Variants in CNTN5 observed in about 807,000 individuals in gnomAD.
CNTN5 encodes the protein contactin 5.
CNTN5 carries 77 observed loss-of-function variants against 129.1 expected under a neutral mutation model. That is an observed-to-expected ratio of 0.60 (90% confidence interval 0.50 to 0.72). CNTN5 has a LOEUF of 0.72. Among genes scored for constraint, CNTN5 ranks in the 30% least tolerant of loss-of-function variants. The pLI is 0.00. For synonymous variants in CNTN5, 509 were observed against 465.6 expected (o/e 1.09, Z -1.20); for missense variants, 1,478 against 1,328.8 (o/e 1.11, Z -1.75).
intron 21 of CNTN5, among the ~76,000 whole-genome samples, chr11:100,311,131 C>T (rs1951464279): frequency 6.6e-6 from 1 of 151,862 alleles, no homozygotes; most frequent in Non-Finnish European, 1.5e-5. Context: ...CTGTTCCAAC[C>T]TCAGTGACAA....
chr11:100,188,945 G>A (rs1379777805), intron 13 of CNTN5, among the ~76,000 whole-genome samples: 1 of 152,114 alleles, frequency 6.6e-6, no homozygotes, highest in Non-Finnish European at 1.5e-5. Flanking sequence ...GGATGCAACT[G>A]GAGGCCATTA....
chr11:100,320,826 T>C (rs1951676470), intron 21 of CNTN5, among the ~76,000 whole-genome samples: 1 of 152,142 alleles, frequency 6.6e-6, no homozygotes, highest in East Asian at 1.9e-4. Flanking sequence ...CCTTTCCCCA[T>C]TGTGTGTTCT....
chr11:99,235,545 G>A (rs1861219210), intron 1 of CNTN5, among the ~76,000 whole-genome samples: 1 of 152,108 alleles, frequency 6.6e-6, no homozygotes, highest in South Asian at 2.1e-4. Flanking sequence ...TGTAATCATA[G>A]TGAAAAGTGT....
chr11:100,068,807 C>T (rs1368252929), intron 10 of CNTN5, among the ~76,000 whole-genome samples: 1 of 152,150 alleles, frequency 6.6e-6, no homozygotes, highest in Non-Finnish European at 1.5e-5. Context: ...CAAAGTGGGG[C>T]TTCTAAAGTC....
intron 1 of CNTN5, among the ~76,000 whole-genome samples, chr11:99,141,242 G>T (rs1859500695): frequency 1.3e-5 from 2 of 152,108 alleles, no homozygotes; most frequent in African/African-American, 4.8e-5. Flanking sequence ...GTATTTTCAG[G>T]AATTTACCCA....
chr11:99,115,822 TAA>T (rs1005373535), intron 1 of CNTN5, among the ~76,000 whole-genome samples: 5 of 151,548 alleles, frequency 3.3e-5, no homozygotes, highest in African/African-American at 1.2e-4. Flanking sequence ...ACCTGCAAGG[TAA>T]AGAGTGAGAA....
intron 3 of CNTN5, among the ~76,000 whole-genome samples, chr11:99,574,850 C>T (rs1949293138): frequency 6.6e-6 from 1 of 151,964 alleles, no homozygotes. Flanking sequence ...AAGTTTTCTC[C>T]CACTCCGTAG....
intron 3 of CNTN5, among the ~76,000 whole-genome samples, chr11:99,632,808 T>C (rs191780495): frequency 2.0e-5 from 3 of 152,254 alleles, no homozygotes; most frequent in Admixed American, 2.0e-4. Flanking sequence ...TGAAAAGTTT[T>C]TGGGGTAAAT....
intron 2 of CNTN5, among the ~76,000 whole-genome samples, chr11:99,462,303 G>A (rs1565202061): frequency 6.6e-6 from 1 of 150,820 alleles, no homozygotes; most frequent in African/African-American, 2.4e-5. Flanking sequence ...ACAATGGCAG[G>A]AAAAAATGTG....
chr11:99,766,966 C>T (rs1944777346), intron 3 of CNTN5, among the ~76,000 whole-genome samples: 1 of 151,982 alleles, frequency 6.6e-6, no homozygotes, highest in Non-Finnish European at 1.5e-5. Context: ...CTTATCACTC[C>T]ATGTCATATG....
chr11:99,997,802 C>T lies in CNTN5; in HGVS notation c.878-4232C>T, dbSNP rs577809029. Reference sequence around the variant, plus strand: ...TCCAGCAGCACATCAAAAAGCTTATCCACCATGATCAAGTGGGCTTCATCC... The same window carrying T: ...TCCAGCAGCACATCAAAAAGCTTATTCACCATGATCAAGTGGGCTTCATCC... On this transcript the variant is annotated intron_variant, in intron 8 of 24. Coordinates refer to ENST00000524871, the MANE Select transcript of CNTN5 (RefSeq NM_014361.4). Among the ~76,000 whole-genome samples the T allele has an allele frequency of 1.9e-3, 285 of 152,204 alleles. 3 individuals carry two copies. Among genetic ancestry groups the T allele is most frequent in the African/African-American group, 6.6e-3 (275 of 41,504 alleles).
chr11:99,155,121 G>T (rs1044947697), intron 1 of CNTN5, among the ~76,000 whole-genome samples: 1 of 152,080 alleles, frequency 6.6e-6, no homozygotes, highest in Admixed American at 6.5e-5. Context: ...TCAGCTCTCC[G>T]CTTCCCCTGG....
chr11:99,049,829 A>G (rs909524892), intron 1 of CNTN5: 1 of 152,180 alleles, frequency 6.6e-6, no homozygotes, highest in African/African-American at 2.4e-5. Context: ...CTGGTAAAAA[A>G]AGGACTGAAA....
At chr11:99,977,049 G>A (rs1004758589) in intron 8 of CNTN5, among the ~76,000 whole-genome samples, 8 of 152,176 alleles carry the variant, frequency 5.3e-5, no homozygotes, top group African/African-American at 1.7e-4. Flanking sequence ...AAGCTTTGCT[G>A]CATAGAAATT....
At chr11:100,179,399 T>C (rs926276821) in intron 13 of CNTN5, among the ~76,000 whole-genome samples, 1 of 152,094 alleles carries the variant, frequency 6.6e-6, no homozygotes, top group African/African-American at 2.4e-5. Flanking sequence ...AATGTGAAAC[T>C]TCTCTACTCC....
intron 3 of CNTN5, among the ~76,000 whole-genome samples, chr11:99,801,407 C>G (rs9971452): frequency 0.011 from 1,675 of 152,182 alleles, 28 homozygotes; most frequent in African/African-American, 0.039. Context: ...TACTATATAG[C>G]TTGGAGATGT....
intron 3 of CNTN5, among the ~76,000 whole-genome samples, chr11:99,740,875 C>T (rs1943867187): frequency 6.6e-6 from 1 of 152,166 alleles, no homozygotes; most frequent in Non-Finnish European, 1.5e-5. Flanking sequence ...CACTGCCTTA[C>T]TGAACATGGT....
At chr11:100,091,140 C>A (rs11222724) in intron 13 of CNTN5, among the ~76,000 whole-genome samples, 15,046 of 152,044 alleles carry the variant, frequency 0.099, 849 homozygotes, top group Non-Finnish European at 0.12. Context: ...AAGTCCAGCC[C>A]CATCATTACA....
chr11:100,261,648 T>G (rs976251048), intron 17 of CNTN5, among the ~76,000 whole-genome samples: 2 of 152,012 alleles, frequency 1.3e-5, no homozygotes, highest in African/African-American at 2.4e-5. Context: ...ACACCACACA[T>G]GTAAAACCAT....
Sources: gnomAD v4.1 joint callset for allele counts (sites outside exome capture counted in the v4.1 genomes callset) on GRCh38, gnomAD v4.1.1 for gene constraint, MANE v1.5 for transcripts, NCBI Gene and HGNC (gene_info 2026-07-23, HGNC 2026-07-21) for gene names.